Variants in LTBP1 observed in about 807,000 individuals in gnomAD.
LTBP1 encodes the protein latent transforming growth factor beta binding protein 1.
Under a neutral mutation model 207.6 loss-of-function variants are expected in LTBP1, and 129 were observed. The observed-to-expected ratio is 0.62, with a 90% CI of 0.54 to 0.72. LTBP1 has a LOEUF of 0.72. Among genes scored for constraint, LTBP1 ranks in the 30% least tolerant of loss-of-function variants. The pLI is 0.00. For synonymous variants in LTBP1, 963 were observed against 833.7 expected, an observed-to-expected ratio of 1.16 and a Z score of -2.67; for missense variants, 2,281 against 2,217.2, an observed-to-expected ratio of 1.03 and a Z score of -0.58.
intron 3 of LTBP1, among the ~76,000 whole-genome samples, chr2:33,030,257 T>C (rs1228374336): frequency 6.6e-6 from 1 of 152,160 alleles, no homozygotes; most frequent in Non-Finnish European, 1.5e-5. Flanking sequence ...GACATAGACA[T>C]TTTGACATTA....
In LTBP1 at chr2:33,029,170, C is replaced by G. The variant is rs58275633; in HGVS notation, c.863+7964C>G. On this transcript the variant is annotated intron_variant, in intron 3 of 33. Transcript: ENST00000404816. The stretch of plus-strand genomic sequence containing the variant: ...ATTAGTATCTTTGAATAGAATTTAT[C>G]CTGGGCACTTGCTAGTTATTATTTG... Among the ~76,000 whole-genome samples the G allele has an allele frequency of 1.4e-3, 213 of 152,252 alleles. 1 individual carries two copies. Among genetic ancestry groups the G allele is most frequent in the African/African-American group, 5.1e-3 (210 of 41,532 alleles).
intron 26 of LTBP1, among the ~76,000 whole-genome samples, chr2:33,358,288 C>T (rs1574000581): frequency 6.6e-6 from 1 of 151,780 alleles, no homozygotes; most frequent in Non-Finnish European, 1.5e-5. Context: ...GAAATAATCT[C>T]TTTCTCCAAA....
chr2:33,152,623 A>G (rs1356014962), intron 5 of LTBP1, among the ~76,000 whole-genome samples: 1 of 152,192 alleles, frequency 6.6e-6, no homozygotes, highest in Non-Finnish European at 1.5e-5. Flanking sequence ...CTCGTTTTTT[A>G]ATAAAGTAAG....
intron 33 of LTBP1, among the ~76,000 whole-genome samples, chr2:33,398,027 G>A (rs1025982693): frequency 5.3e-5 from 8 of 152,102 alleles, no homozygotes; most frequent in Non-Finnish European, 8.8e-5. Context: ...TAGGTATCTG[G>A]TTCCTCTTGA....
intron 24 of LTBP1, among the ~76,000 whole-genome samples, chr2:33,320,907 C>G (rs1320634377): frequency 6.6e-6 from 1 of 152,118 alleles, no homozygotes; most frequent in East Asian, 1.9e-4. Context: ...TATTGGGAAC[C>G]TAAAACTGCT....
At chr2:33,015,245 A>G (rs1367617471) in intron 2 of LTBP1, among the ~76,000 whole-genome samples, 1 of 152,160 alleles carries the variant, frequency 6.6e-6, no homozygotes, top group African/African-American at 2.4e-5. Flanking sequence ...GTGTCTTTGC[A>G]GAGTTTACTT....
chr2:33,320,323 C>A (rs1045667630), intron 24 of LTBP1, among the ~76,000 whole-genome samples: 1 of 149,910 alleles, frequency 6.7e-6, no homozygotes, highest in South Asian at 2.1e-4. Flanking sequence ...GAGCCAAGGT[C>A]ACACCACTGC....
chr2:33,335,244 T>C (rs1435636061), intron 24 of LTBP1, among the ~76,000 whole-genome samples: 4 of 152,088 alleles, frequency 2.6e-5, no homozygotes, highest in Non-Finnish European at 2.9e-5. Flanking sequence ...GAAAGTTGAA[T>C]TTCAAATAAT....
chr2:33,305,317 A>G (rs113261981), intron 22 of LTBP1, among the ~76,000 whole-genome samples: 6,584 of 151,028 alleles, frequency 0.044, 492 homozygotes, highest in African/African-American at 0.15. Context: ...GAGCAAGACT[A>G]TGTCTCAAAA....
At chr2:33,148,256 TC>T (rs1379845167) in intron 5 of LTBP1, among the ~76,000 whole-genome samples, 7 of 152,230 alleles carry the variant, frequency 4.6e-5, no homozygotes, top group African/African-American at 1.2e-4. Flanking sequence ...GAGGATACCA[TC>T]TTTAATTTGA....
intron 32 of LTBP1, among the ~76,000 whole-genome samples, chr2:33,394,963 C>T (rs1230265118): frequency 6.6e-6 from 1 of 152,142 alleles, no homozygotes. Context: ...GATGATAGGC[C>T]TCCAGCTCCA....
intron 4 of LTBP1, among the ~76,000 whole-genome samples, chr2:33,131,648 A>G (rs1362651755): frequency 6.6e-6 from 1 of 152,260 alleles, no homozygotes; most frequent in Non-Finnish European, 1.5e-5. Context: ...GGACCCGCTT[A>G]GAATACAAGT....
intron 25 of LTBP1, among the ~76,000 whole-genome samples, chr2:33,346,364 A>G (rs148687751): frequency 5.6e-4 from 86 of 152,316 alleles, no homozygotes; most frequent in African/African-American, 1.9e-3. Flanking sequence ...CTGAAGTGTC[A>G]GTGATTCTAA....
intron 24 of LTBP1, among the ~76,000 whole-genome samples, chr2:33,322,220 C>T (rs1037129037): frequency 6.6e-6 from 1 of 151,640 alleles, no homozygotes; most frequent in Non-Finnish European, 1.5e-5. Flanking sequence ...AAACACTTGC[C>T]TTGCAGCCAA....
intron 9 of LTBP1, among the ~76,000 whole-genome samples, chr2:33,237,815 G>A (rs1311781346): frequency 5.3e-5 from 8 of 152,322 alleles, no homozygotes; most frequent in East Asian, 1.9e-4. Flanking sequence ...CAAGAGGTAT[G>A]CCTTGACTTG....
intron 24 of LTBP1, among the ~76,000 whole-genome samples, chr2:33,334,039 C>T (rs1228783507): frequency 6.6e-6 from 1 of 152,182 alleles, no homozygotes; most frequent in Non-Finnish European, 1.5e-5. Flanking sequence ...GCATTGAATA[C>T]AACTGAGAGC....
chr2:33,285,994 A>G (rs1279545820), intron 19 of LTBP1: 2 of 152,158 alleles, frequency 1.3e-5, no homozygotes, highest in Non-Finnish European at 2.9e-5. Flanking sequence ...TCAGGCATCT[A>G]TAATAATGCT....
chr2:33,246,155 A>C (rs1040087470), intron 10 of LTBP1, among the ~76,000 whole-genome samples: 65 of 152,314 alleles, frequency 4.3e-4, no homozygotes, highest in African/African-American at 1.5e-3. Flanking sequence ...GTTGCTAGTT[A>C]AGTGTTCCAG....
At chr2:32,976,978 T>C (rs72791705) in intron 2 of LTBP1, among the ~76,000 whole-genome samples, 22,723 of 152,286 alleles carry the variant, frequency 0.15, 2,093 homozygotes, top group Non-Finnish European at 0.21. Context: ...AGTGGGACCA[T>C]TCTGCTGGAA....
Sources: allele counts gnomAD v4.1 joint callset (sites outside exome capture counted in the v4.1 genomes callset), GRCh38; gene constraint gnomAD v4.1.1; transcripts MANE v1.5; gene names NCBI Gene and HGNC (gene_info 2026-07-23, HGNC 2026-07-21).